The following STAU2 variants were observed in gnomAD, a reference collection of about 807,000 sequenced individuals.
The protein encoded by STAU2 is staufen double-stranded RNA binding protein 2, also known as double-stranded RNA-binding protein Staufen homolog 2.
Under a neutral mutation model 65.9 loss-of-function variants are expected in STAU2, and 20 were observed. The observed-to-expected ratio is 0.30, with a 90% CI of 0.21 to 0.44. The LOEUF (loss-of-function observed/expected upper bound fraction) is 0.44. Among genes scored for constraint, STAU2 ranks in the 20% least tolerant of loss-of-function variants. The pLI is 1.00. For synonymous variants in STAU2, 232 were observed against 233.9 expected (o/e 0.99, Z 0.07); for missense variants, 558 against 683.9 (o/e 0.82, Z 2.05).
intron 13 of STAU2, among the ~76,000 whole-genome samples, chr8:73,425,631 C>G (rs1482739239): frequency 2.0e-5 from 3 of 152,128 alleles, no homozygotes; most frequent in Non-Finnish European, 2.9e-5. Context: ...CTCTCTCTCT[C>G]TCTCTCTTCT....
intron 1 of STAU2, among the ~76,000 whole-genome samples, chr8:73,745,511 T>C (rs1373293296): frequency 6.6e-6 from 1 of 152,230 alleles, no homozygotes; most frequent in African/African-American, 2.4e-5. Context: ...TTCACGATGC[T>C]GGTCTGAAAC....
At chr8:73,504,214 A>T (rs999236615) in intron 13 of STAU2, among the ~76,000 whole-genome samples, 7 of 152,134 alleles carry the variant, frequency 4.6e-5, no homozygotes, top group African/African-American at 1.4e-4. Context: ...ATATTAGCTT[A>T]AAAATGACTT....
In STAU2 at chr8:73,450,076, G is replaced by A. The variant is rs74663677; in HGVS notation, c.1531-27374C>T. Among the ~76,000 whole-genome samples the A allele has an allele frequency of 5.7e-3, 869 of 152,304 alleles. 6 individuals carry two copies. The highest frequency in any genetic ancestry group is 0.02 in the African/African-American group (844 of 41,556). ...AATGGCCTTCAAACCAACAGAGGATGGGTAAATTTGGATGCATGGATTTGG... is the reference window on the plus strand; with the variant it reads ...AATGGCCTTCAAACCAACAGAGGATAGGTAAATTTGGATGCATGGATTTGG... On this transcript the variant is annotated intron_variant, in intron 13 of 14. Transcript: ENST00000524300.
At chr8:73,703,321 C>G (rs998107249) in intron 4 of STAU2, among the ~76,000 whole-genome samples, 1 of 152,110 alleles carries the variant, frequency 6.6e-6, no homozygotes, top group Non-Finnish European at 1.5e-5. Context: ...TATGACATGC[C>G]TTTTACTTCC....
At chr8:73,525,786 C>T (rs958799275) in intron 13 of STAU2, among the ~76,000 whole-genome samples, 2 of 152,166 alleles carry the variant, frequency 1.3e-5, no homozygotes, top group African/African-American at 4.8e-5. Context: ...TTTGCCTCTA[C>T]CATGAGTGGA....
intron 13 of STAU2, among the ~76,000 whole-genome samples, chr8:73,495,470 T>C (rs929251590): frequency 5.3e-5 from 8 of 151,398 alleles, no homozygotes; most frequent in East Asian, 1.9e-4. Flanking sequence ...TTAAAACATA[T>C]CAGTTACTTT....
intron 12 of STAU2, among the ~76,000 whole-genome samples, chr8:73,575,010 GAAA>G (rs1016561586): frequency 8.6e-5 from 13 of 150,490 alleles, no homozygotes; most frequent in African/African-American, 2.2e-4. Flanking sequence ...TGCTATAAAA[GAAA>G]AGACTATTTT....
chr8:73,516,074 T>C (rs1822709162), intron 13 of STAU2, among the ~76,000 whole-genome samples: 1 of 151,776 alleles, frequency 6.6e-6, no homozygotes, highest in Non-Finnish European at 1.5e-5. Context: ...GCTGGGACTA[T>C]AGGCACACAC....
rs775553438 is a variant in STAU2 at position 73,595,224 on chromosome 8, G to T, written c.1103C>A (p.Ala368Glu). The T allele has an allele frequency of 6.2e-7, 1 of 1,611,624 alleles. No homozygotes were observed. Among genetic ancestry groups the T allele is most frequent in the Admixed American group, 1.7e-5 (1 of 59,466 alleles). The change falls in exon 11 of 15, where the codon GCA (alanine) becomes GAA (glutamate). Residue 368 changes from alanine to glutamate, a missense_variant. Physicochemically the swap from Ala to Glu is moderately radical, Grantham distance 107. Transcript: ENST00000524300. ...KKIAKKNAAEAMLLQLGYKAS... is the reference protein window; with the variant it reads ...KKIAKKNAAEEMLLQLGYKAS... ...TTTATAACCAAGTTGTAACAGCATT[G>T]CTTCTGCAGCATTTTTTTTGGCTAT...
intron 11 of STAU2, among the ~76,000 whole-genome samples, chr8:73,588,327 G>T (rs1474017727): frequency 1.3e-5 from 2 of 152,204 alleles, no homozygotes; most frequent in Non-Finnish European, 2.9e-5. Context: ...GAAGAAAGTA[G>T]ATGAAATGTT....
chr8:73,498,888 C>T (rs565775824), intron 13 of STAU2, among the ~76,000 whole-genome samples: 2 of 151,924 alleles, frequency 1.3e-5, no homozygotes, highest in South Asian at 4.1e-4. Flanking sequence ...CTTGGTCCAA[C>T]ACTAGTCTAG....
intron 6 of STAU2, among the ~76,000 whole-genome samples, chr8:73,629,556 A>G (rs1382101813): frequency 6.6e-6 from 1 of 152,244 alleles, no homozygotes; most frequent in Admixed American, 6.5e-5. Flanking sequence ...AAGTAGAAAT[A>G]TAATTTATTA....
intron 13 of STAU2, among the ~76,000 whole-genome samples, chr8:73,475,031 T>TA (rs1260058030): frequency 2.0e-5 from 3 of 152,090 alleles, no homozygotes; most frequent in Admixed American, 6.5e-5. Flanking sequence ...GTATTTACAG[T>TA]AAGATTTCAC....
intron 6 of STAU2, among the ~76,000 whole-genome samples, chr8:73,668,338 A>G (rs190334134): frequency 3.7e-4 from 56 of 152,304 alleles, no homozygotes; most frequent in African/African-American, 1.1e-3. Context: ...TCCCCAAGAG[A>G]TATCCCAGTT....
intron 3 of STAU2, among the ~76,000 whole-genome samples, chr8:73,730,110 ATTAT>A (rs1805938526): frequency 6.6e-6 from 1 of 151,906 alleles, no homozygotes; most frequent in Non-Finnish European, 1.5e-5. Context: ...GTAAAGTAAG[ATTAT>A]TTATTTGAGG....
chr8:73,667,726 AC>A (rs1261237327), intron 6 of STAU2, among the ~76,000 whole-genome samples: 2 of 152,160 alleles, frequency 1.3e-5, no homozygotes, highest in South Asian at 4.1e-4. Flanking sequence ...CTCTACTCAA[AC>A]ACAACATGTG....
intron 13 of STAU2, among the ~76,000 whole-genome samples, chr8:73,463,455 A>C (rs1819482262): frequency 6.6e-6 from 1 of 152,242 alleles, no homozygotes; most frequent in Admixed American, 6.5e-5. Context: ...CATAAAGGAT[A>C]CTGCTTCATA....
intron 1 of STAU2, among the ~76,000 whole-genome samples, chr8:73,746,536 A>C (rs1586406929): frequency 1.1e-4 from 12 of 112,756 alleles, no homozygotes; most frequent in South Asian, 6.9e-4. Context: ...CCTCCACCAC[A>C]CACGCACCCC....
chr8:73,566,565 T>A (rs548076730), intron 12 of STAU2, among the ~76,000 whole-genome samples: 2 of 152,318 alleles, frequency 1.3e-5, no homozygotes, highest in East Asian at 3.9e-4. Context: ...ACTATTCTCT[T>A]TTTTTCCTTT....
Sources: gnomAD v4.1 joint callset for allele counts (sites outside exome capture counted in the v4.1 genomes callset) on GRCh38, gnomAD v4.1.1 for gene constraint, MANE v1.5 for transcripts, NCBI Gene and HGNC (gene_info 2026-07-23, HGNC 2026-07-21) for gene names.